Variants in KIAA1549L observed in about 807,000 individuals in gnomAD.
The protein encoded by KIAA1549L is KIAA1549 like.
Under a neutral mutation model 160.7 loss-of-function variants are expected in KIAA1549L, and 88 were observed. That is an observed-to-expected ratio of 0.55 (90% CI 0.46 to 0.65). KIAA1549L has a LOEUF of 0.65. Among genes scored for constraint, KIAA1549L ranks in the 30% least tolerant of loss-of-function variants. KIAA1549L has a pLI of 0.00. For synonymous variants in KIAA1549L, 950 were observed against 976.7 expected (o/e 0.97, Z 0.51); for missense variants, 2,258 against 2,437.5 (o/e 0.93, Z 1.55).
chr11:33,432,128 T>A (rs1362917064), intron 1 of KIAA1549L, among the ~76,000 whole-genome samples: 2 of 152,128 alleles, frequency 1.3e-5, no homozygotes, highest in African/African-American at 4.8e-5. Flanking sequence ...CACCTCTCCC[T>A]CCACACCTCC....
At chr11:33,630,324 G>A (rs1027805928) in intron 16 of KIAA1549L, among the ~76,000 whole-genome samples, 201 of 152,340 alleles carry the variant, frequency 1.3e-3, no homozygotes, top group African/African-American at 4.2e-3. Context: ...CGAGCTTCCC[G>A]GCTGCTTTGT....
intron 16 of KIAA1549L, among the ~76,000 whole-genome samples, chr11:33,624,557 C>T (rs773065327): frequency 2.0e-4 from 31 of 151,856 alleles, no homozygotes; most frequent in African/African-American, 7.0e-4. Flanking sequence ...TTCAGTAATA[C>T]GAGTCCTGAA....
intron 1 of KIAA1549L, among the ~76,000 whole-genome samples, chr11:33,402,966 C>T (rs891662208): frequency 6.6e-5 from 10 of 152,088 alleles, no homozygotes; most frequent in East Asian, 1.9e-4. Context: ...TTTTGTTTCA[C>T]GCCTATGTCT....
intron 1 of KIAA1549L, among the ~76,000 whole-genome samples, chr11:33,480,524 G>C (rs1484111822): frequency 6.6e-6 from 1 of 152,076 alleles, no homozygotes; most frequent in Admixed American, 6.6e-5. Context: ...ATTTCTCTTT[G>C]GTGTATACTT....
At chr11:33,550,500 G>A (rs538765350) in intron 4 of KIAA1549L, among the ~76,000 whole-genome samples, 2 of 152,224 alleles carry the variant, frequency 1.3e-5, no homozygotes, top group South Asian at 4.1e-4. Flanking sequence ...AAATTCTCTG[G>A]TGCATCCTGC....
chr11:33,606,505 A>T, intron 13 of KIAA1549L, 136 bp from the exon 14 acceptor site: 1 of 786,470 alleles, frequency 1.3e-6, no homozygotes, highest in South Asian at 1.9e-5. Context: ...AGTCCTTGGC[A>T]CAGAAGCAGA....
Position 33,618,554 on chromosome 11 carries a change from C to A in KIAA1549L, c.5301C>A (p.Val1767=). The A allele has an allele frequency of 1.2e-6, 2 of 1,609,132 alleles. No individual in the cohort carries two copies. Among genetic ancestry groups the A allele is most frequent in the Non-Finnish European group, 1.7e-6 (2 of 1,176,412 alleles). ...SKNRQQMKNS[V]YRSRQSLNSP... ...TCAGGCAACAGATGAAGAACTCTGT[C>A]TACAGAAGCCGGCAGTCTCTGAACA... The change falls in exon 16 of 21, where the codon GTC becomes GTA. Residue 1767 remains valine (V), a synonymous_variant. Coordinates refer to ENST00000658780, the MANE Select transcript of KIAA1549L (RefSeq NM_012194.3).
At chr11:33,650,283 A>T (rs1416895130) in intron 17 of KIAA1549L, among the ~76,000 whole-genome samples, 1 of 152,234 alleles carries the variant, frequency 6.6e-6, no homozygotes, top group Non-Finnish European at 1.5e-5. Flanking sequence ...AAAAATCCTT[A>T]TAATGAGTAA....
rs1200197085 is a variant in KIAA1549L at position 33,618,419 on chromosome 11, G to A, written c.5280-114G>A. On this transcript the variant is annotated intron_variant, in intron 15 of 20. Transcript: ENST00000658780. Reference sequence around the variant, plus strand: ...CCTGGGAATAAATGCCATCAATTCTGAGATTTGTGAGGCAAATCCAAACCC... The same window carrying A: ...CCTGGGAATAAATGCCATCAATTCTAAGATTTGTGAGGCAAATCCAAACCC... 3 of 881,164 alleles carry A rather than the reference G, an allele frequency of 3.4e-6. No individual in the cohort carries two copies. In the Admixed American group the frequency reaches 9.5e-5, roughly 28 times the overall value. 54.6% of individuals were successfully genotyped at this position (881,164 alleles called of 1,614,324 possible).
At chr11:33,636,229 G>C (rs985243932) in intron 16 of KIAA1549L, among the ~76,000 whole-genome samples, 1 of 152,044 alleles carries the variant, frequency 6.6e-6, no homozygotes, top group African/African-American at 2.4e-5. Context: ...AACGCAATTT[G>C]GTTATGACAA....
intron 1 of KIAA1549L, among the ~76,000 whole-genome samples, chr11:33,465,453 G>T (rs1451871596): frequency 5.3e-5 from 8 of 152,116 alleles, no homozygotes; most frequent in Non-Finnish European, 8.8e-5. Flanking sequence ...TTCTCATCCT[G>T]CATGCATGAC....
intron 1 of KIAA1549L, among the ~76,000 whole-genome samples, chr11:33,413,605 T>A (rs1850827756): frequency 6.6e-6 from 1 of 152,196 alleles, no homozygotes; most frequent in Non-Finnish European, 1.5e-5. Flanking sequence ...AAACTTATGT[T>A]GACTTTGGTC....
chr11:33,435,814 GTGTGTATATATATATATGTATATGTATA>G (rs1851359677), intron 1 of KIAA1549L, among the ~76,000 whole-genome samples: 2 of 32,750 alleles, frequency 6.1e-5, no homozygotes, highest in Non-Finnish European at 5.3e-5. Context: ...ATATATATGT[GTGTGTATATATATATATGTATATGTATA>G]TGTGTGTGTG....
intron 1 of KIAA1549L, among the ~76,000 whole-genome samples, chr11:33,458,703 G>A (rs1437553532): frequency 1.3e-5 from 2 of 152,226 alleles, no homozygotes; most frequent in African/African-American, 4.8e-5. Context: ...TGGGAAAAGA[G>A]GGTGATCTAA....
chr11:33,422,490 T>C (rs1467174397), intron 1 of KIAA1549L, among the ~76,000 whole-genome samples: 4 of 150,340 alleles, frequency 2.7e-5, no homozygotes, highest in Non-Finnish European at 5.9e-5. Flanking sequence ...TCTCCTTAGC[T>C]GAATGGACTC....
chr11:33,383,885 A>G (rs1850121977), intron 1 of KIAA1549L, among the ~76,000 whole-genome samples: 1 of 152,230 alleles, frequency 6.6e-6, no homozygotes. Context: ...AATATCACCA[A>G]TTAGTTCAGA....
At chr11:33,598,470 T>C (rs1227828031) in intron 12 of KIAA1549L, among the ~76,000 whole-genome samples, 2 of 152,158 alleles carry the variant, frequency 1.3e-5, no homozygotes, top group Non-Finnish European at 2.9e-5. Flanking sequence ...TGCAACACTA[T>C]CCAGAGTGCT....
Position 33,574,793 on chromosome 11 carries a change from C to G in KIAA1549L, c.4322C>G (p.Ala1441Gly). The G allele has an allele frequency of 6.2e-7, 1 of 1,614,016 alleles. No homozygotes were observed. Among genetic ancestry groups the G allele is most frequent in the Non-Finnish European group, 8.5e-7 (1 of 1,179,860 alleles). Residue 1441 changes from alanine to glycine, a missense_variant, in exon 10 of 21, where the codon GCA becomes GGA. Around this residue, in one of 6 missense-constraint regions of KIAA1549L, gnomAD observed 1,359 missense variants for 1,546.6 expected, o/e 0.88. Transcript: ENST00000658780. The stretch of plus-strand genomic sequence containing the variant: ...AACGGGAAGCCTTTGTTGGGGACCG[C>G]AGCTGCCAAGATCCTGAGCACCATT... Reference protein sequence around the residue: ...LYNGKPLLGTAAAKILSTIDS... With the variant: ...LYNGKPLLGTGAAKILSTIDS...
chr11:33,544,650 G>A (rs1392429370), intron 2 of KIAA1549L, 117 bp from the exon 3 acceptor site: 9 of 1,342,532 alleles, frequency 6.7e-6, no homozygotes, highest in African/African-American at 1.5e-5. Context: ...TCCACTGCAA[G>A]CCCAGATTGC....
Sources: allele counts gnomAD v4.1 joint callset (sites outside exome capture counted in the v4.1 genomes callset), GRCh38; gene constraint gnomAD v4.1.1; regional missense constraint gnomAD v4.1.1; transcripts MANE v1.5; gene names NCBI Gene and HGNC (gene_info 2026-07-23, HGNC 2026-07-21).